Variants in WBP2NL observed in about 807,000 individuals in gnomAD.
WBP2NL encodes the protein WBP2 N-terminal like.
Under a neutral mutation model 23.3 loss-of-function variants are expected in WBP2NL, and 27 were observed. The ratio of observed to expected loss-of-function variants is 1.16; its 90% CI spans 0.85 to 1.60. The LOEUF is 1.60. Ranked by LOEUF, WBP2NL falls within the 40% of genes most tolerant of loss-of-function variation. The pLI is 0.00. For synonymous variants in WBP2NL, 151 were observed against 145.9 expected, an observed-to-expected ratio of 1.03 and a Z score of -0.25; for missense variants, 370 against 389.5, an observed-to-expected ratio of 0.95 and a Z score of 0.42.
chr22:42,043,203 G>A (rs910448111), intron 8 of WBP2NL, among the ~76,000 whole-genome samples: 1 of 152,044 alleles, frequency 6.6e-6, no homozygotes, highest in African/African-American at 2.4e-5. Flanking sequence ...CAGGTTCATG[G>A]AGCAGTACAG....
At chr22:42,051,679 CA>C (rs1925843014) in intron 8 of WBP2NL, among the ~76,000 whole-genome samples, 1 of 152,036 alleles carries the variant, frequency 6.6e-6, no homozygotes, top group South Asian at 2.1e-4. Context: ...AGGCTGGGGT[CA>C]GGGGAGGGAT....
At chr22:42,002,008 G>C (rs552722765) in intron 1 of WBP2NL, 2 of 782,934 alleles carry the variant, frequency 2.6e-6, no homozygotes, top group Admixed American at 7.0e-5. Flanking sequence ...GGACTGGTCC[G>C]AGAATCGGCT....
intron 5 of WBP2NL, 133 bp downstream of exon 5, chr22:42,022,489 G>A: frequency 8.8e-6 from 7 of 793,846 alleles, no homozygotes; most frequent in Non-Finnish European, 1.4e-5. Flanking sequence ...GGTCACATCT[G>A]TGACTTTGTT....
chr22:42,021,789 CTTTTT>C (rs11413615), intron 4 of WBP2NL, among the ~76,000 whole-genome samples: 2 of 132,682 alleles, frequency 1.5e-5, no homozygotes. Context: ...TTCTTTCTTT[CTTTTT>C]TTTTTTTTTT....
intron 1 of WBP2NL, among the ~76,000 whole-genome samples, chr22:42,008,858 A>C (rs990825059): frequency 8.5e-5 from 13 of 152,182 alleles, no homozygotes; most frequent in Admixed American, 5.9e-4. Context: ...GGCTGACTGC[A>C]AGCTCCGCCT....
intron 1 of WBP2NL, chr22:42,002,071 T>TCTCACTCGGGCTATGGGTGTCTC (rs1921759896): frequency 2.2e-6 from 1 of 446,962 alleles, no homozygotes. Flanking sequence ...TTGGGTGTCT[T>TCTCACTCGGGCTATGGGTGTCTC]CTCACTCGGG....
chr22:42,024,667 T>A (rs1231617739), intron 5 of WBP2NL, among the ~76,000 whole-genome samples: 2 of 152,166 alleles, frequency 1.3e-5, no homozygotes, highest in East Asian at 1.9e-4. Context: ...GCCTATTTTT[T>A]TTATTATTTA....
intron 1 of WBP2NL, among the ~76,000 whole-genome samples, chr22:42,012,401 G>C (rs1008339841): frequency 3.3e-5 from 5 of 152,020 alleles, no homozygotes; most frequent in African/African-American, 4.8e-5. Context: ...TTGGTATGTT[G>C]TGTTTTCATG....
intron 1 of WBP2NL, chr22:42,002,064 G>GGT (rs1353234185): frequency 1.1e-5 from 5 of 454,696 alleles, no homozygotes; most frequent in Non-Finnish European, 1.9e-5. Context: ...TTGGTGTTTG[G>GGT]GTGTCTTCTC....
intron 1 of WBP2NL, among the ~76,000 whole-genome samples, chr22:42,011,326 T>G (rs1326926945): frequency 3.3e-5 from 5 of 152,148 alleles, no homozygotes; most frequent in Non-Finnish European, 5.9e-5. Context: ...TGATCACAGC[T>G]TACTGCTGCC....
At position 42,020,109 on chromosome 22, in the gene WBP2NL, G is replaced by A. The variant is rs894785786; in HGVS notation, c.406+13G>A. On this transcript the variant is annotated intron_variant, in intron 4 of 5. Transcript: ENST00000328823. ...GCTGCCTCTGCTGGTAAGTGATGCT[G>A]ATAAAGATATTAAGCACTTTGGGGT... The A allele has an allele frequency of 1.2e-6, 2 of 1,608,006 alleles. No homozygotes were observed. Among genetic ancestry groups the A allele is most frequent in the Non-Finnish European group, 8.5e-7 (1 of 1,175,944 alleles).
At chr22:42,035,383 T>G (rs1210145200), downstream of WBP2NL, among the ~76,000 whole-genome samples, 1 of 152,170 alleles carries the variant, frequency 6.6e-6, no homozygotes, top group East Asian at 1.9e-4. Flanking sequence ...CTCTGGGCCC[T>G]GAGAGCACAG....
intron 5 of WBP2NL, among the ~76,000 whole-genome samples, chr22:42,023,827 AG>A (rs979344160): frequency 6.6e-6 from 1 of 151,844 alleles, no homozygotes; most frequent in Non-Finnish European, 1.5e-5. Flanking sequence ...AAAATTTTGT[AG>A]ATACAGGGTC....
intron 8 of WBP2NL, among the ~76,000 whole-genome samples, chr22:42,047,768 C>T (rs985446412): frequency 5.3e-5 from 8 of 151,458 alleles, no homozygotes; most frequent in Non-Finnish European, 1.2e-4. Flanking sequence ...ACTATAGGCG[C>T]ATGCCACCAC....
At chr22:42,045,545 C>CTGT (rs1925555482) in intron 8 of WBP2NL, among the ~76,000 whole-genome samples, 2 of 152,278 alleles carry the variant, frequency 1.3e-5, no homozygotes, top group African/African-American at 2.4e-5. Flanking sequence ...AGAAAAATCA[C>CTGT]TGTTGATCCC....
rs1924616218 is a variant in WBP2NL, at chr22:42,027,436, ACATTGGGTTG to A, written c.*260_*269del. 4.4e-6 allele frequency: 2 copies of A among 458,576 alleles called. No homozygotes were observed. The highest frequency in any genetic ancestry group is 7.7e-5 in the Admixed American group (2 of 26,056). 28.4% of individuals were successfully genotyped at this position (458,576 alleles called of 1,614,324 possible). A position where few individuals can be genotyped will look rare whatever the true frequency, so the allele number is the denominator to read the frequency against. ...GGCTAATTCCCCAGTAATTTGGTTG[ACATTGGGTTG>A]CATTTTTAAACATAACTTTTTCCAC... On this transcript the variant is annotated 3_prime_UTR_variant, in exon 6 of 6. Coordinates refer to ENST00000328823, the MANE Select transcript of WBP2NL (RefSeq NM_152613.3).
intron 1 of WBP2NL, among the ~76,000 whole-genome samples, chr22:41,999,393 A>G (rs993142910): frequency 1.3e-5 from 2 of 152,178 alleles, no homozygotes; most frequent in African/African-American, 2.4e-5. Context: ...AAAGATCTCA[A>G]ACTGTTGTGG....
intron 8 of WBP2NL, among the ~76,000 whole-genome samples, chr22:42,048,065 T>C (rs557580098): frequency 8.5e-5 from 13 of 152,288 alleles, no homozygotes; most frequent in African/African-American, 3.1e-4. Flanking sequence ...GTAGAATTTA[T>C]CCAGGTGTGC....
In WBP2NL at chr22:42,019,346, TCCCA is replaced by T. The variant is rs1384676096; in HGVS notation, c.100_103del (p.Pro34SerfsTer24). On this transcript the variant is annotated frameshift_variant, in exon 2 of 6. Transcript: ENST00000328823. LOFTEE classifies it high-confidence loss of function. ...CGGTCTCCGAATGTGGAGCTCTCCT[TCCCA>T]CAGCGATCAGAAGGCTCAAATGTCT... 5.6e-6 allele frequency: 9 copies of T among 1,614,204 alleles called. No individual in the cohort carries two copies. The highest frequency in any genetic ancestry group is 2.2e-5 in the East Asian group (1 of 44,888).
Sources: allele counts gnomAD v4.1 joint callset (sites outside exome capture counted in the v4.1 genomes callset), GRCh38; gene constraint gnomAD v4.1.1; transcripts MANE v1.5; gene names NCBI Gene and HGNC (gene_info 2026-07-23, HGNC 2026-07-21).